Variants in GALNT18 observed in about 807,000 individuals in gnomAD.
The protein encoded by GALNT18 is GalNAc-transferase 18.
In GALNT18, 44 loss-of-function variants were observed where a neutral mutation model predicts 69.5. The ratio of observed to expected loss-of-function variants is 0.63; its 90% CI spans 0.50 to 0.81. The LOEUF is 0.81. GALNT18 is among the 40% of genes least tolerant of loss of function. The pLI, the probability that GALNT18 is intolerant of heterozygous loss-of-function variation, is 0.00. For synonymous variants in GALNT18, 364 were observed against 318.2 expected, an observed-to-expected ratio of 1.14 and a Z score of -1.53; for missense variants, 715 against 810.0, an observed-to-expected ratio of 0.88 and a Z score of 1.42.
chr11:11,548,623 C>G (rs1858121320), intron 1 of GALNT18, among the ~76,000 whole-genome samples: 1 of 152,232 alleles, frequency 6.6e-6, no homozygotes, highest in African/African-American at 2.4e-5. Flanking sequence ...ATCATTCACT[C>G]CTCTCCATCA....
chr11:11,503,584 G>C (rs1444277946), intron 1 of GALNT18, among the ~76,000 whole-genome samples: 1 of 152,194 alleles, frequency 6.6e-6, no homozygotes, highest in Non-Finnish European at 1.5e-5. Context: ...TATGTGTTCA[G>C]CCGCTAATAA....
In GALNT18 at chr11:11,408,617, G is replaced by A. The variant is rs564686517; in HGVS notation, c.595+24004C>T. Reference sequence around the variant, plus strand: ...AATGTTTCTTATATAAAGGAAAAGAGGCTGCCCCCTCAGTCTCTGTGGGGA... The same window carrying A: ...AATGTTTCTTATATAAAGGAAAAGAAGCTGCCCCCTCAGTCTCTGTGGGGA... On this transcript the variant is annotated intron_variant, in intron 3 of 10. Coordinates refer to ENST00000227756, the MANE Select transcript of GALNT18 (RefSeq NM_198516.3). 1.6e-4 allele frequency among the ~76,000 whole-genome samples: 25 copies of A among 152,244 alleles called. No homozygotes were observed. In the South Asian group the frequency reaches 5.2e-3, roughly 32 times the overall value.
intron 1 of GALNT18, among the ~76,000 whole-genome samples, chr11:11,512,518 C>A (rs938738188): frequency 6.6e-6 from 1 of 152,164 alleles, no homozygotes; most frequent in African/African-American, 2.4e-5. Context: ...GGGTCTGACC[C>A]TTATTCTCAC....
intron 1 of GALNT18, among the ~76,000 whole-genome samples, chr11:11,568,155 A>G (rs1858698165): frequency 1.3e-5 from 2 of 152,210 alleles, no homozygotes; most frequent in African/African-American, 4.8e-5. Context: ...TCACAAAACG[A>G]GAAAGTATGT....
At chr11:11,441,777 C>A (rs879242672) in intron 2 of GALNT18, among the ~76,000 whole-genome samples, 1 of 152,160 alleles carries the variant, frequency 6.6e-6, no homozygotes, top group Admixed American at 6.5e-5. Flanking sequence ...CTGCTGGAGC[C>A]ATCTCCCTCC....
In GALNT18 at chr11:11,372,865, G is replaced by A. The variant is rs1406303450; in HGVS notation, c.978-236C>T. On this transcript the variant is annotated intron_variant, in intron 5 of 10. Coordinates refer to ENST00000227756, the MANE Select transcript of GALNT18 (RefSeq NM_198516.3). The surrounding 1 kb of genome is among the most constrained non-coding windows in gnomAD (Gnocchi z 4.9). The stretch of plus-strand genomic sequence containing the variant: ...CATCCTGGGATCAGCTATTAGTGGG[G>A]TGGTGCTTGTGTGTGTGTTAGCTTT... 6.6e-6 allele frequency among the ~76,000 whole-genome samples: 1 copy of A among 152,210 alleles called. No individual in the cohort carries two copies. The highest frequency in any genetic ancestry group is 1.9e-4 in the East Asian group (1 of 5,188).
chr11:11,278,196 CAA>C (rs1203800465), intron 10 of GALNT18, among the ~76,000 whole-genome samples: 32 of 151,650 alleles, frequency 2.1e-4, no homozygotes, highest in Non-Finnish European at 3.4e-4. Flanking sequence ...ACTTAGACTC[CAA>C]CACCATAATG....
At chr11:11,294,071 T>C (rs57722524) in intron 9 of GALNT18, among the ~76,000 whole-genome samples, 24,431 of 152,128 alleles carry the variant, frequency 0.16, 2,077 homozygotes, top group East Asian at 0.23. Context: ...TGGGGACTCA[T>C]AGGACTCAGC....
chr11:11,590,213 G>A lies in GALNT18; in HGVS notation c.235+31146C>T, dbSNP rs537824960. ...ACATGGCTGATTCTGTGAATAAAAT[G>A]TGGTGGAAATTAGGTGCTCCATGCG... On this transcript the variant is annotated intron_variant, in intron 1 of 10. Coordinates refer to ENST00000227756, the MANE Select transcript of GALNT18 (RefSeq NM_198516.3). This position sits in a 1 kb window ranked among gnomAD's most constrained non-coding sequence, Gnocchi z 4.4. Among the ~76,000 whole-genome samples the A allele has an allele frequency of 1.3e-5, 2 of 152,324 alleles. No homozygotes were observed. Among genetic ancestry groups the A allele is most frequent in the South Asian group, 4.1e-4 (2 of 4,828 alleles).
At chr11:11,567,112 A>G (rs1400846075) in intron 1 of GALNT18, among the ~76,000 whole-genome samples, 1 of 152,202 alleles carries the variant, frequency 6.6e-6, no homozygotes, top group African/African-American at 2.4e-5. Context: ...TGCAGGAGGT[A>G]GACTCAAGAG....
At chr11:11,607,446 T>C (rs966255365) in intron 1 of GALNT18, among the ~76,000 whole-genome samples, 19 of 152,308 alleles carry the variant, frequency 1.2e-4, no homozygotes, top group Admixed American at 1.2e-3. Context: ...TAGAAAGAAA[T>C]CTTTTTTAAA....
intron 3 of GALNT18, among the ~76,000 whole-genome samples, chr11:11,427,179 G>C (rs1272978340): frequency 6.6e-6 from 1 of 152,184 alleles, no homozygotes; most frequent in South Asian, 2.1e-4. Context: ...AAAAAGTGGA[G>C]CTTGTTGAGA....
At chr11:11,280,873 C>T (rs560137407) in intron 10 of GALNT18, among the ~76,000 whole-genome samples, 2 of 152,290 alleles carry the variant, frequency 1.3e-5, no homozygotes, top group Admixed American at 1.3e-4. Context: ...CCATCCTGTC[C>T]CTTAGAAGCT....
At chr11:11,334,897 C>T (rs1202120444) in intron 7 of GALNT18, among the ~76,000 whole-genome samples, 3 of 152,210 alleles carry the variant, frequency 2.0e-5, no homozygotes, top group Non-Finnish European at 4.4e-5. Flanking sequence ...AAGTGGTGAA[C>T]ACAGGAACTG....
Position 11,505,171 on chromosome 11 carries a change from G to A in GALNT18, c.236-56235C>T, listed in dbSNP as rs1857046846. The stretch of plus-strand genomic sequence containing the variant: ...GTTCAGTAGATGAACACAGGGAAAG[G>A]ATGTTCCAGGCAGAGTAAATGGCAT... On this transcript the variant is annotated intron_variant, in intron 1 of 10. Transcript: ENST00000227756. This position sits in a 1 kb window ranked among gnomAD's most constrained non-coding sequence, Gnocchi z 4.6. Among the ~76,000 whole-genome samples, 1 of 152,208 alleles carries A rather than the reference G, an allele frequency of 6.6e-6. No individual in the cohort carries two copies. Among genetic ancestry groups the A allele is most frequent in the Admixed American group, 6.5e-5 (1 of 15,282 alleles).
At position 11,339,487 on chromosome 11, in the gene GALNT18, G is replaced by T. The variant is rs4910323; in HGVS notation, c.1278+1332C>A. Among the ~76,000 whole-genome samples the T allele has an allele frequency of 0.34, 51,207 of 151,890 alleles. 10,213 individuals carry two copies. The highest frequency in any genetic ancestry group is 0.45 in the Non-Finnish European group (30,840 of 67,916). On this transcript the variant is annotated intron_variant, in intron 7 of 10. Transcript: ENST00000227756. The surrounding 1 kb of genome is among the most constrained non-coding windows in gnomAD (Gnocchi z 5.2). Reference sequence around the variant, plus strand: ...CCTGGGGACCTGCTATGCCTCACTGGTGAGCTCCTGGGGAGTTTCCAAGTG... The same window carrying T: ...CCTGGGGACCTGCTATGCCTCACTGTTGAGCTCCTGGGGAGTTTCCAAGTG...
chr11:11,366,007 C>A (rs1322694880), intron 6 of GALNT18, among the ~76,000 whole-genome samples: 2 of 152,192 alleles, frequency 1.3e-5, no homozygotes, highest in African/African-American at 4.8e-5. Flanking sequence ...GTGAATGTCA[C>A]CGAAACCCAA....
rs959068280 is a variant in GALNT18, at chr11:11,618,750, G to A, written c.235+2609C>T. 7.2e-5 allele frequency among the ~76,000 whole-genome samples: 11 copies of A among 152,192 alleles called. No homozygotes were observed. Among genetic ancestry groups the A allele is most frequent in the African/African-American group, 2.4e-4 (10 of 41,442 alleles). On this transcript the variant is annotated intron_variant, in intron 1 of 10. Transcript: ENST00000227756. This position sits in a 1 kb window ranked among gnomAD's most constrained non-coding sequence, Gnocchi z 6.1. ...CAAATATTACCTACTTCATAAGGTT[G>A]TGAAGATTAAATAAGTCAATATATG...
chr11:11,275,817 A>AG (rs1410805524), intron 10 of GALNT18, among the ~76,000 whole-genome samples: 1 of 152,128 alleles, frequency 6.6e-6, no homozygotes, highest in Non-Finnish European at 1.5e-5. Context: ...TGTTTCAGTC[A>AG]GGTTTGTCAA....
Sources: gnomAD v4.1 joint callset for allele counts (sites outside exome capture counted in the v4.1 genomes callset) on GRCh38, gnomAD v4.1.1 for gene constraint, Gnocchi (gnomAD v3.1) non-coding constraint, MANE v1.5 for transcripts, NCBI Gene and HGNC (gene_info 2026-07-23, HGNC 2026-07-21) for gene names.